Variants in ZNF362 observed in about 807,000 individuals in gnomAD.
ZNF362 encodes rotund homolog.
A neutral mutation model predicts 42.9 loss-of-function variants in ZNF362; 11 were observed. The ratio of observed to expected loss-of-function variants is 0.26; its 90% CI spans 0.16 to 0.42. The LOEUF is 0.42. ZNF362 is among the 20% of genes least tolerant of loss of function. The pLI is 1.00. For missense variants in ZNF362, 362 were observed against 576.2 expected (o/e 0.63, Z 3.81); for synonymous variants, 255 against 257.3 (o/e 0.99, Z 0.09).
upstream of ZNF362, among the ~76,000 whole-genome samples, chr1:33,254,126 C>CTTTT (rs75838086): frequency 1.6e-3 from 19 of 11,714 alleles, no homozygotes; most frequent in Admixed American, 5.8e-3. Context: ...TTTAGTAGTT[C>CTTTT]GTCTGTTTTT....
chr1:33,266,965 C>A lies in ZNF362; in HGVS notation c.-88-3522C>A, dbSNP rs1008694016. ...GGATTTTAAGCGGTAGACTTAGCGC[C>A]CTGGGAAGGCTCTCCTTCGGCTTGG... On this transcript the variant is annotated intron_variant, in intron 1 of 8. Coordinates refer to ENST00000539719, the MANE Select transcript of ZNF362 (RefSeq NM_152493.3). The surrounding 1 kb of genome is among the most constrained non-coding windows in gnomAD (Gnocchi z 4.3). 6.6e-6 allele frequency among the ~76,000 whole-genome samples: 1 copy of A among 152,144 alleles called. No individual in the cohort carries two copies. Among genetic ancestry groups the A allele is most frequent in the Non-Finnish European group, 1.5e-5 (1 of 68,016 alleles).
At chr1:33,287,635 T>C (rs1208278716) in intron 6 of ZNF362, among the ~76,000 whole-genome samples, 1 of 152,194 alleles carries the variant, frequency 6.6e-6, no homozygotes, top group Non-Finnish European at 1.5e-5. Context: ...TTTGTTTTTG[T>C]TTTTCTTTTC....
chr1:33,223,679 G>A, the ZNF362 span, among the ~76,000 whole-genome samples: 52 of 152,158 alleles, frequency 3.4e-4, no homozygotes, highest in African/African-American at 1.0e-3. Flanking sequence ...AATCACCTGC[G>A]GTCAGGAGTT....
chr1:33,159,861 C>T, the ZNF362 span: 6 of 1,613,118 alleles, frequency 3.7e-6, no homozygotes, highest in Non-Finnish European at 8.5e-7. The surrounding 1 kb of genome is among the most constrained non-coding windows in gnomAD (Gnocchi z 4.2). Flanking sequence ...GCTCCTCTAG[C>T]ATGGCCTTCT....
the ZNF362 span, among the ~76,000 whole-genome samples, chr1:33,154,296 A>G: frequency 6.6e-6 from 1 of 152,020 alleles, no homozygotes; most frequent in African/African-American, 2.4e-5. Context: ...GACCCAGGAC[A>G]GCCCTGGAGC....
the ZNF362 span, among the ~76,000 whole-genome samples, chr1:33,184,133 A>G: frequency 6.6e-6 from 1 of 151,838 alleles, no homozygotes; most frequent in East Asian, 1.9e-4. Flanking sequence ...CTTTGTGAGG[A>G]GGTGGAATAA....
the ZNF362 span, chr1:33,200,399 A>C: frequency 6.6e-6 from 1 of 152,178 alleles, no homozygotes; most frequent in Non-Finnish European, 1.5e-5. Flanking sequence ...ATGGAAGAAA[A>C]AATTGAAATA....
At chr1:33,208,527 G>A in the ZNF362 span, among the ~76,000 whole-genome samples, 10 of 152,160 alleles carry the variant, frequency 6.6e-5, no homozygotes, top group East Asian at 1.9e-3. Flanking sequence ...GTGCAGTATG[G>A]CCATTTTCAC....
chr1:33,270,803 G>A (rs1645897470), intron 2 of ZNF362, among the ~76,000 whole-genome samples, 191 bp downstream of exon 2: 1 of 152,150 alleles, frequency 6.6e-6, no homozygotes, highest in South Asian at 2.1e-4. Context: ...TCCTCCTCAC[G>A]GCAGCTGCTG....
At chr1:33,208,167 C>T in the ZNF362 span, among the ~76,000 whole-genome samples, 1 of 152,226 alleles carries the variant, frequency 6.6e-6, no homozygotes, top group Non-Finnish European at 1.5e-5. Context: ...GCCAGTTTTC[C>T]CAGCACCATT....
chr1:33,290,791 G>A (rs1414079671), intron 6 of ZNF362, among the ~76,000 whole-genome samples: 2 of 152,204 alleles, frequency 1.3e-5, no homozygotes, highest in African/African-American at 4.8e-5. Flanking sequence ...TTGTGGTTTC[G>A]ATTTGCATTT....
At chr1:33,194,509 G>GT in the ZNF362 span, among the ~76,000 whole-genome samples, 1 of 135,092 alleles carries the variant, frequency 7.4e-6, no homozygotes, top group South Asian at 2.4e-4. Flanking sequence ...TCCAGCCTGG[G>GT]TGACGAGTGT....
chr1:33,193,857 G>T, the ZNF362 span, among the ~76,000 whole-genome samples: 4 of 152,188 alleles, frequency 2.6e-5, no homozygotes, highest in Admixed American at 2.0e-4. Context: ...GGCATATCTT[G>T]AAGGCAGTAA....
the ZNF362 span, among the ~76,000 whole-genome samples, chr1:33,138,626 C>CAAAAAAAAAAA: frequency 1.5e-4 from 10 of 66,072 alleles, no homozygotes; most frequent in East Asian, 3.4e-4. Flanking sequence ...ACAACAACAA[C>CAAAAAAAAAAA]AAAAAAAAAA....
chr1:33,263,032 G>A (rs1358662715), intron 1 of ZNF362, among the ~76,000 whole-genome samples: 1 of 152,212 alleles, frequency 6.6e-6, no homozygotes, highest in African/African-American at 2.4e-5. Context: ...TCTCCCACAC[G>A]CATGGTGTTC....
At chr1:33,134,614 G>A in the ZNF362 span, among the ~76,000 whole-genome samples, 2 of 152,178 alleles carry the variant, frequency 1.3e-5, no homozygotes, top group Admixed American at 1.3e-4. Flanking sequence ...ATGGGCTGCT[G>A]CACAGATAGT....
At chr1:33,213,403 T>C in the ZNF362 span, among the ~76,000 whole-genome samples, 1 of 152,314 alleles carries the variant, frequency 6.6e-6, no homozygotes, top group African/African-American at 2.4e-5. Context: ...TGTTTGTCAA[T>C]TGTATTTCAA....
At chr1:33,192,969 GTC>G in the ZNF362 span, among the ~76,000 whole-genome samples, 21 of 122,828 alleles carry the variant, frequency 1.7e-4, no homozygotes, top group Admixed American at 1.2e-3. Context: ...GTATATATAT[GTC>G]TCTCTCTCCA....
chr1:33,149,101 C>A, the ZNF362 span, among the ~76,000 whole-genome samples: 1 of 152,190 alleles, frequency 6.6e-6, no homozygotes, highest in African/African-American at 2.4e-5. Context: ...CCTTCCTGGT[C>A]ACCCAGCAGA....
Sources: gnomAD v4.1 joint callset for allele counts (sites outside exome capture counted in the v4.1 genomes callset) on GRCh38, gnomAD v4.1.1 for gene constraint, Gnocchi (gnomAD v3.1) non-coding constraint, MANE v1.5 for transcripts, NCBI Gene and HGNC (gene_info 2026-07-23, HGNC 2026-07-21) for gene names.